The following GPX7 variants were observed in gnomAD, a reference collection of about 807,000 sequenced individuals.
GPX7 encodes protein peroxidase GPX7.
GPX7 carries 21 observed loss-of-function variants against 23.7 expected under a neutral mutation model. The ratio of observed to expected loss-of-function variants is 0.89; its 90% CI spans 0.63 to 1.28. The LOEUF (loss-of-function observed/expected upper bound fraction) is 1.28. Among genes scored for constraint, GPX7 ranks in the 50% most tolerant of loss-of-function variants. The pLI, the probability that GPX7 is intolerant of heterozygous loss-of-function variation, is 0.00. For synonymous variants in GPX7, 112 were observed against 101.8 expected (o/e 1.10, Z -0.61); for missense variants, 238 against 237.3 (o/e 1.00, Z -0.02).
At position 52,608,599 on chromosome 1, in the gene GPX7, T is replaced by C. The variant is rs999121948; in HGVS notation, c.*174T>C. On this transcript the variant is annotated 3_prime_UTR_variant, in exon 3 of 3. Coordinates refer to ENST00000361314, the MANE Select transcript of GPX7 (RefSeq NM_015696.5). ...AATTCTAGTATTTTGATTATTTGAA[T>C]CTTACAGCAACAAATAGGAACTCCT... 25 of 451,598 alleles carry C rather than the reference T, an allele frequency of 5.5e-5. No homozygotes were observed. Among genetic ancestry groups the C allele is most frequent in the Non-Finnish European group, 8.2e-5 (22 of 269,756 alleles). The allele number at this position is 451,598 out of a possible 1,614,324, so 28.0% of individuals were successfully genotyped here. A position where few individuals can be genotyped will look rare whatever the true frequency, so the allele number is the denominator to read the frequency against.
Position 52,608,382 on chromosome 1 carries a change from C to T in GPX7, c.521C>T (p.Ala174Val), listed in dbSNP as rs752532089. 9 of 1,613,588 alleles carry T rather than the reference C, an allele frequency of 5.6e-6. No individual in the cohort carries two copies. The highest frequency in any genetic ancestry group is 3.3e-5 in the South Asian group (3 of 91,044). The change falls in exon 3 of 3, where the codon GCG becomes GTG. Residue 174 changes from alanine (A) to valine (V), a missense_variant. Ala to Val is a moderately conservative substitution (Grantham distance 64). Coordinates refer to ENST00000361314, the MANE Select transcript of GPX7 (RefSeq NM_015696.5). The part of the protein sequence containing the change: ...SVEEVRPQIT[A>V]LVRKLILLKR... ...GAGGAGGTCAGACCCCAGATCACAG[C>T]GCTCGTGAGGAAGCTCATCCTACTG... is the stretch of plus-strand genomic sequence containing the variant.
rs775830372 is a variant in GPX7, at chr1:52,608,370, C to T, written c.509C>T (p.Pro170Leu). 7.4e-6 allele frequency: 12 copies of T among 1,613,786 alleles called. No individual in the cohort carries two copies. Among genetic ancestry groups the T allele is most frequent in the Admixed American group, 5.0e-5 (3 of 59,958 alleles). ...DPTVSVEEVR[P>L]QITALVRKLI... ...ACTGTGTCAGTGGAGGAGGTCAGACCCCAGATCACAGCGCTCGTGAGGAAG... is the reference window on the plus strand; with the variant it reads ...ACTGTGTCAGTGGAGGAGGTCAGACTCCAGATCACAGCGCTCGTGAGGAAG... Residue 170 changes from proline to leucine, a missense_variant, in exon 3 of 3, where the codon CCC becomes CTC. Coordinates refer to ENST00000361314, the MANE Select transcript of GPX7 (RefSeq NM_015696.5).
chr1:52,608,525 T>G lies in GPX7; in HGVS notation c.*100T>G. On this transcript the variant is annotated 3_prime_UTR_variant, in exon 3 of 3. Coordinates refer to ENST00000361314, the MANE Select transcript of GPX7 (RefSeq NM_015696.5). The stretch of plus-strand genomic sequence containing the variant: ...TTCAAAGGGAGAGACCCACTGACTC[T>G]CCTTCCTTTACTCTTATGCCATTGG... 9.7e-7 allele frequency: 1 copy of G among 1,026,050 alleles called. No individual in the cohort carries two copies. 63.6% of individuals were successfully genotyped at this position (1,026,050 alleles called of 1,614,324 possible).
Position 52,607,307 on chromosome 1 carries a change from A to G in GPX7, c.400+362A>G, listed in dbSNP as rs1166009044. On this transcript the variant is annotated intron_variant, in intron 2 of 2. Transcript: ENST00000361314. ...GGACATATGATGGAGAAACCAAGGC[A>G]TAGACAGGGGAGGCCACCTGCTTGG... 1.2e-4 allele frequency: 29 copies of G among 239,758 alleles called. 1 individual carries two copies. In the East Asian group the frequency reaches 2.6e-3, roughly 21 times the overall value. The allele number at this position is 239,758 out of a possible 1,614,324, so 14.9% of individuals were successfully genotyped here.
chr1:52,602,834 C>T (rs1365981104), intron 1 of GPX7, among the ~76,000 whole-genome samples: 3 of 152,088 alleles, frequency 2.0e-5, no homozygotes, highest in South Asian at 2.1e-4. Context: ...CTTTGGGCAG[C>T]GGGGTCCAGA....
At position 52,602,433 on chromosome 1, in the gene GPX7, G is replaced by C. The variant is rs1463378681; in HGVS notation, c.24G>C (p.Ala8=). The C allele has an allele frequency of 6.6e-7, 1 of 1,522,444 alleles. No homozygotes were observed. Among genetic ancestry groups the C allele is most frequent in the South Asian group, 1.2e-5 (1 of 81,208 alleles). The allele number at this position is 1,522,444 out of a possible 1,614,324, so 94.3% of individuals were successfully genotyped here. ...CCATGGTGGCGGCGACGGTGGCAGC[G>C]GCGTGGCTGCTCCTGTGGGCTGCGG... The part of the protein sequence containing the change: MVAATVA[A]AWLLLWAAAC... The change falls in exon 1 of 3, where the codon GCG becomes GCC. Residue 8 remains alanine (A), a synonymous_variant. Coordinates refer to ENST00000361314, the MANE Select transcript of GPX7 (RefSeq NM_015696.5).
intron 1 of GPX7, among the ~76,000 whole-genome samples, chr1:52,605,097 C>G (rs1275825826): frequency 6.7e-6 from 1 of 149,870 alleles, no homozygotes; most frequent in Non-Finnish European, 1.5e-5. Flanking sequence ...GCCCAGGGAT[C>G]CAGCAGGGGG....
chr1:52,602,977 GAGTCCAGTGAAGA>G (rs1690818165), intron 1 of GPX7, among the ~76,000 whole-genome samples: 1 of 151,720 alleles, frequency 6.6e-6, no homozygotes, highest in African/African-American at 2.4e-5. Context: ...GGCTGATTCG[GAGTCCAGTGAAGA>G]ACACTGTGGA....
rs1448431484 is a variant in GPX7, at chr1:52,606,857, CCG to C, written c.314_315del (p.Arg105ProfsTer11). The C allele has an allele frequency of 6.2e-7, 1 of 1,614,066 alleles. No homozygotes were observed. Among genetic ancestry groups the C allele is most frequent in the Non-Finnish European group, 8.5e-7 (1 of 1,180,038 alleles). On this transcript the variant is annotated frameshift_variant, in exon 2 of 3. Coordinates refer to ENST00000361314, the MANE Select transcript of GPX7 (RefSeq NM_015696.5). LOFTEE classifies it high-confidence loss of function. ...GCAACAAGGAGATTGAGAGCTTTGC[CCG>C]CCGCACCTACAGTGTCTCATTCCCC... is the stretch of plus-strand genomic sequence containing the variant. ...DSNKEIESFA[R>X]RTYSVSFPMF...
At chr1:52,602,597 G>T in intron 1 of GPX7, 50 bp downstream of exon 1, 4 of 1,237,142 alleles carry the variant, frequency 3.2e-6, no homozygotes, top group African/African-American at 1.6e-5. Context: ...TCGCCCTGGC[G>T]GGGCCTGCTG....
At chr1:52,602,578 G>C (rs1247074778) in intron 1 of GPX7, 31 bp downstream of exon 1, 1 of 1,483,202 alleles carries the variant, frequency 6.7e-7, no homozygotes, top group Non-Finnish European at 9.0e-7. Context: ...GGCGCCGCTG[G>C]GCCCGGCCTC....
Position 52,606,809 on chromosome 1 carries a change from G to A in GPX7, c.264G>A (p.Gln88=). The A allele has an allele frequency of 6.2e-7, 1 of 1,614,206 alleles. No homozygotes were observed. The highest frequency in any genetic ancestry group is 8.5e-7 in the Non-Finnish European group (1 of 1,180,038). The part of the protein sequence containing the change: ...HFNVLAFPCN[Q]FGQQEPDSNK... ...ACGTGCTCGCCTTCCCCTGCAACCAGTTTGGCCAACAGGAGCCTGACAGCA... is the reference window on the plus strand; with the variant it reads ...ACGTGCTCGCCTTCCCCTGCAACCAATTTGGCCAACAGGAGCCTGACAGCA... The change falls in exon 2 of 3, where the codon CAG becomes CAA. Residue 88 remains glutamine (Q), a synonymous_variant. Coordinates refer to ENST00000361314, the MANE Select transcript of GPX7 (RefSeq NM_015696.5).
At chr1:52,603,370 G>T (rs918764240) in intron 1 of GPX7, among the ~76,000 whole-genome samples, 1 of 143,866 alleles carries the variant, frequency 7.0e-6, no homozygotes, top group Admixed American at 6.9e-5. Context: ...GGGGCGCGGG[G>T]CCAGGAGTTC....
chr1:52,607,124 G>GAGGCAGGTAC (rs1690863267), intron 2 of GPX7, 179 bp downstream of exon 2: 3 of 657,800 alleles, frequency 4.6e-6, no homozygotes, highest in Non-Finnish European at 8.0e-6. Context: ...GAGGCAGGTA[G>GAGGCAGGTAC]AAGCTGAGGG....
chr1:52,605,426 TAATA>T (rs1457134264), intron 1 of GPX7, among the ~76,000 whole-genome samples: 2 of 152,144 alleles, frequency 1.3e-5, no homozygotes, highest in African/African-American at 2.4e-5. Context: ...AAACATCTGA[TAATA>T]AATAAACAGG....
chr1:52,605,045 T>TA (rs59749784), intron 1 of GPX7, among the ~76,000 whole-genome samples: 7,938 of 83,478 alleles, frequency 0.095, 302 homozygotes, highest in African/African-American at 0.15. Flanking sequence ...ACTCTGTCTT[T>TA]AAAAAAAAAA....
Position 52,608,430 on chromosome 1 carries a change from C to A in GPX7, c.*5C>A. 6.3e-7 allele frequency: 1 copy of A among 1,597,360 alleles called. No individual in the cohort carries two copies. The highest frequency in any genetic ancestry group is 1.1e-5 in the South Asian group (1 of 88,418). The stretch of plus-strand genomic sequence containing the variant: ...CTGAAGCGAGAAGACTTATAACCAC[C>A]GCGTCTCCTCCTCCACCACCTCATC... On this transcript the variant is annotated 3_prime_UTR_variant, in exon 3 of 3. Coordinates refer to ENST00000361314, the MANE Select transcript of GPX7 (RefSeq NM_015696.5).
chr1:52,603,596 G>A (rs903097056), intron 1 of GPX7, among the ~76,000 whole-genome samples: 1 of 152,136 alleles, frequency 6.6e-6, no homozygotes, highest in Non-Finnish European at 1.5e-5. Context: ...TAATGAACAG[G>A]TGGGCCAGCG....
chr1:52,606,710 C>G lies in GPX7; in HGVS notation c.165C>G (p.Ser55Arg). ...TGTCCCTGGTGGTGAATGTGGCCAG[C>G]GAGTGCGGCTTCACAGACCAGCACT... Reference protein sequence around the residue: ...GSVSLVVNVASECGFTDQHYR... With the variant: ...GSVSLVVNVARECGFTDQHYR... The change falls in exon 2 of 3, where the codon AGC (serine) becomes AGG (arginine). Residue 55 changes from serine (S) to arginine (R), a missense_variant. Coordinates refer to ENST00000361314, the MANE Select transcript of GPX7 (RefSeq NM_015696.5). 1 of 1,613,826 alleles carries G rather than the reference C, an allele frequency of 6.2e-7. No homozygotes were observed. The highest frequency in any genetic ancestry group is 2.2e-5 in the East Asian group (1 of 44,882).
Sources: gnomAD v4.1 joint callset for allele counts (sites outside exome capture counted in the v4.1 genomes callset) on GRCh38, gnomAD v4.1.1 for gene constraint, MANE v1.5 for transcripts, NCBI Gene and HGNC (gene_info 2026-07-23, HGNC 2026-07-21) for gene names.